Variants in WDR41 observed in about 807,000 individuals in gnomAD.
WDR41 encodes WD repeat-containing protein 41.
WDR41 carries 63 observed loss-of-function variants against 69.3 expected under a neutral mutation model. The ratio of observed to expected loss-of-function variants is 0.91; its 90% CI spans 0.74 to 1.12. WDR41 has a LOEUF of 1.12. Among genes scored for constraint, WDR41 ranks in the 50% most tolerant of loss-of-function variants. The probability of loss-of-function intolerance (pLI) is 0.00; values close to 1 mark genes in which losing one functional copy is unlikely to be tolerated. For synonymous variants in WDR41, 185 were observed against 192.1 expected, an observed-to-expected ratio of 0.96 and a Z score of 0.31; for missense variants, 543 against 534.5, an observed-to-expected ratio of 1.02 and a Z score of -0.16.
chr5:77,620,295 C>T (rs1020506413), intron 1 of WDR41, among the ~76,000 whole-genome samples: 1 of 152,126 alleles, frequency 6.6e-6, no homozygotes, highest in African/African-American at 2.4e-5. Context: ...TCTTTCTATA[C>T]TAAAATTAAA....
intron 2 of WDR41, among the ~76,000 whole-genome samples, chr5:77,480,686 A>AG (rs1022702938): frequency 3.0e-5 from 3 of 99,354 alleles, no homozygotes; most frequent in South Asian, 4.0e-4. Flanking sequence ...GGGTGCGGGG[A>AG]GGGGGGAGGG....
At chr5:77,480,137 C>T (rs1329207518) in intron 2 of WDR41, 1 of 152,124 alleles carries the variant, frequency 6.6e-6, no homozygotes, top group Non-Finnish European at 1.5e-5. Context: ...TCATCTCACA[C>T]CAGTTAGAAT....
chr5:77,546,772 A>C (rs1561220883), intron 1 of WDR41, among the ~76,000 whole-genome samples: 1 of 152,174 alleles, frequency 6.6e-6, no homozygotes, highest in African/African-American at 2.4e-5. Flanking sequence ...AAATCATTCC[A>C]TGAAGCCAGT....
At chr5:77,449,677 A>G in intron 8 of WDR41, 83 bp downstream of exon 8, 2 of 881,586 alleles carry the variant, frequency 2.3e-6, no homozygotes, top group East Asian at 2.5e-5. Context: ...CTAGAATCCC[A>G]GAACTAAGCA....
chr5:77,488,944 C>T (rs1801644997), intron 2 of WDR41, among the ~76,000 whole-genome samples: 1 of 152,094 alleles, frequency 6.6e-6, no homozygotes, highest in Non-Finnish European at 1.5e-5. Context: ...ACACCTTCAC[C>T]TCTATTTGCA....
intron 2 of WDR41, among the ~76,000 whole-genome samples, chr5:77,470,933 A>G (rs1327829016): frequency 3.9e-5 from 6 of 152,206 alleles, no homozygotes; most frequent in Admixed American, 6.5e-5. Flanking sequence ...GACCTAATAG[A>G]CATCTACAGA....
At chr5:77,573,308 T>A (rs1450743094) in intron 1 of WDR41, among the ~76,000 whole-genome samples, 1 of 152,090 alleles carries the variant, frequency 6.6e-6, no homozygotes, top group African/African-American at 2.4e-5. Context: ...CTGGGATACA[T>A]GTGCTGAATG....
chr5:77,594,761 A>G (rs1201970912), intron 1 of WDR41, among the ~76,000 whole-genome samples: 1 of 152,362 alleles, frequency 6.6e-6, no homozygotes, highest in East Asian at 1.9e-4. Flanking sequence ...GCTGTTTTTA[A>G]TTAACCATTA....
At chr5:77,590,422 C>A (rs1744116063) in intron 1 of WDR41, among the ~76,000 whole-genome samples, 1 of 152,154 alleles carries the variant, frequency 6.6e-6, no homozygotes, top group Non-Finnish European at 1.5e-5. Flanking sequence ...ATACAGCTTG[C>A]CCCAAGGGAC....
chr5:77,477,529 A>G (rs1800999234), intron 2 of WDR41, among the ~76,000 whole-genome samples: 1 of 87,292 alleles, frequency 1.1e-5, no homozygotes, highest in Non-Finnish European at 2.0e-5. Flanking sequence ...CCCACTCAAA[A>G]CCGCTCAACT....
intron 1 of WDR41, chr5:77,499,455 G>A (rs1162990426): frequency 1.3e-5 from 2 of 152,234 alleles, no homozygotes; most frequent in East Asian, 3.9e-4. Flanking sequence ...ATATCCCACA[G>A]TAATGGTGGC....
intron 1 of WDR41, among the ~76,000 whole-genome samples, chr5:77,590,732 C>T (rs1013929154): frequency 6.6e-6 from 1 of 152,192 alleles, no homozygotes; most frequent in Non-Finnish European, 1.5e-5. Flanking sequence ...CTATATTTCT[C>T]CCTTTCCCCT....
At chr5:77,490,242 G>A (rs1031640517) in intron 1 of WDR41, among the ~76,000 whole-genome samples, 5 of 152,096 alleles carry the variant, frequency 3.3e-5, no homozygotes, top group Non-Finnish European at 5.9e-5. Flanking sequence ...GGGATTACAG[G>A]AGTAAGCCAC....
intron 1 of WDR41, among the ~76,000 whole-genome samples, chr5:77,608,966 C>T (rs1744484001): frequency 3.3e-5 from 5 of 152,234 alleles, no homozygotes; most frequent in Non-Finnish European, 1.5e-5. Flanking sequence ...CTGCGCTTTT[C>T]CGACGGGCTT....
chr5:77,576,584 A>G (rs552544841), intron 1 of WDR41, among the ~76,000 whole-genome samples: 2 of 152,088 alleles, frequency 1.3e-5, no homozygotes, highest in South Asian at 2.1e-4. Context: ...TTCTCACACC[A>G]CCATGATCTC....
chr5:77,605,554 G>A (rs567266734), intron 1 of WDR41, among the ~76,000 whole-genome samples: 1 of 152,168 alleles, frequency 6.6e-6, no homozygotes, highest in Non-Finnish European at 1.5e-5. Flanking sequence ...CTTTGTTTCT[G>A]TACTCCCTGA....
At chr5:77,506,041 T>A (rs531184399) in intron 1 of WDR41, among the ~76,000 whole-genome samples, 1 of 151,870 alleles carries the variant, frequency 6.6e-6, no homozygotes, top group South Asian at 2.1e-4. Flanking sequence ...ACAAATGAGA[T>A]CTAATTAAAC....
intron 1 of WDR41, among the ~76,000 whole-genome samples, chr5:77,557,586 A>C (rs146245488): frequency 2.6e-5 from 4 of 152,306 alleles, no homozygotes; most frequent in Non-Finnish European, 4.4e-5. Flanking sequence ...CCACTAGAAC[A>C]CTTGTACACT....
At chr5:77,541,555 C>T (rs527693200) in intron 1 of WDR41, among the ~76,000 whole-genome samples, 6 of 142,336 alleles carry the variant, frequency 4.2e-5, no homozygotes, top group Admixed American at 3.0e-4. Flanking sequence ...TGCAGTGGCG[C>T]GATCTTGGCT....
Sources: allele counts gnomAD v4.1 joint callset (sites outside exome capture counted in the v4.1 genomes callset), GRCh38; gene constraint gnomAD v4.1.1; transcripts MANE v1.5; gene names NCBI Gene and HGNC (gene_info 2026-07-23, HGNC 2026-07-21).